The following LARGE1 variants were observed in gnomAD, a reference collection of about 807,000 sequenced individuals.
LARGE1 encodes xylosyl- and glucuronyltransferase LARGE1.
A neutral mutation model predicts 87.6 loss-of-function variants in LARGE1; 43 were observed. The observed-to-expected ratio is 0.49, with a 90% CI of 0.38 to 0.63. The LOEUF (loss-of-function observed/expected upper bound fraction) is 0.63, where lower values mean the gene tolerates loss of function less well. Among genes scored for constraint, LARGE1 ranks in the 30% least tolerant of loss-of-function variants. The pLI is 0.00. For synonymous variants in LARGE1, 434 were observed against 394.6 expected (o/e 1.10, Z -1.18); for missense variants, 802 against 1,000.2 (o/e 0.80, Z 2.67).
At chr22:33,487,864 T>A (rs1046490857) in intron 6 of LARGE1, among the ~76,000 whole-genome samples, 3 of 152,172 alleles carry the variant, frequency 2.0e-5, no homozygotes, top group African/African-American at 7.2e-5. Flanking sequence ...GAGATCATGT[T>A]ATCTCCCTTT....
At chr22:33,669,908 T>C (rs931777132) in intron 2 of LARGE1, among the ~76,000 whole-genome samples, 6 of 152,254 alleles carry the variant, frequency 3.9e-5, no homozygotes, top group African/African-American at 1.2e-4. Context: ...AAGGCTCACA[T>C]TGACCTGCAC....
At chr22:33,103,432 C>CAAAAAAAA in the LARGE1 span, among the ~76,000 whole-genome samples, 1 of 33,808 alleles carries the variant, frequency 3.0e-5, no homozygotes, top group Non-Finnish European at 4.5e-5. Context: ...GACTCTGTCT[C>CAAAAAAAA]AAAAAAAAAA....
At chr22:33,183,852 G>T (rs1923324929) in intron 11 of LARGE1, among the ~76,000 whole-genome samples, 1 of 151,760 alleles carries the variant, frequency 6.6e-6, no homozygotes, top group Non-Finnish European at 1.5e-5. Flanking sequence ...GAGGCTGGGG[G>T]GTAGAAGAAA....
intron 1 of LARGE1, among the ~76,000 whole-genome samples, chr22:33,891,518 G>A (rs2065006583): frequency 1.3e-5 from 2 of 151,656 alleles, no homozygotes; most frequent in Admixed American, 1.3e-4. Context: ...AGAATACGAT[G>A]TTACTGCATG....
At position 33,785,099 on chromosome 22, in the gene LARGE1, GTGTATACATACATATGTGTATATGC is replaced by G. The variant is rs1302128416; in HGVS notation, c.-82-23566_-82-23542del. ...TATACATACATATGTGTATATACAT[GTGTATACATACATATGTGTATATGC>G]ATATATGTGTATACATACATATGTG... On this transcript the variant is annotated intron_variant, in intron 1 of 14. Coordinates refer to ENST00000397394, the MANE Select transcript of LARGE1 (RefSeq NM_133642.5). 7.8e-3 allele frequency among the ~76,000 whole-genome samples: 488 copies of G among 62,946 alleles called. 10 individuals carry two copies. The highest frequency in any genetic ancestry group is 0.036 in the African/African-American group (467 of 13,058). The allele number at this position is 62,946 out of a possible 152,430, so 41.3% of individuals were successfully genotyped here.
chr22:33,283,429 A>T, intron 12 of LARGE1, 81 bp from the exon 13 acceptor site: 6 of 1,506,322 alleles, frequency 4.0e-6, no homozygotes, highest in Non-Finnish European at 5.5e-6. Context: ...CGGGGTGGTC[A>T]TTGGCCCGGG....
chr22:33,677,143 C>A (rs2081606490), intron 2 of LARGE1, among the ~76,000 whole-genome samples: 1 of 151,990 alleles, frequency 6.6e-6, no homozygotes, highest in Non-Finnish European at 1.5e-5. Flanking sequence ...TGTGTTAATG[C>A]TCAGGTTCTT....
chr22:33,254,244 C>T (rs1045100581), intron 11 of LARGE1, among the ~76,000 whole-genome samples: 2 of 152,120 alleles, frequency 1.3e-5, no homozygotes, highest in African/African-American at 2.4e-5. Context: ...GGTGGGCTAA[C>T]TAGAAATGGG....
Position 33,311,106 on chromosome 22 carries a change from G to T in LARGE1, c.1451+4979C>A, listed in dbSNP as rs372177775. Among the ~76,000 whole-genome samples, 14 of 152,136 alleles carry T rather than the reference G, an allele frequency of 9.2e-5. 1 individual carries two copies. In the South Asian group the frequency reaches 2.9e-3, roughly 32 times the overall value. ...CTCCCGTGTAGCTGGGACTACAGGC[G>T]CCCGCCACCATGCCAGGCTAATTTT... On this transcript the variant is annotated intron_variant, in intron 11 of 14. Coordinates refer to ENST00000397394, the MANE Select transcript of LARGE1 (RefSeq NM_133642.5).
intron 1 of LARGE1, among the ~76,000 whole-genome samples, chr22:33,786,805 AG>A (rs1252768067): frequency 3.9e-5 from 6 of 152,180 alleles, no homozygotes; most frequent in African/African-American, 1.4e-4. Flanking sequence ...GCGGATCACC[AG>A]GTCAGGAGTT....
rs141673975 is a variant in LARGE1, at chr22:33,692,385, A to T, written c.107-41717T>A. Among the ~76,000 whole-genome samples the T allele has an allele frequency of 6.2e-3, 949 of 152,300 alleles. 7 individuals carry two copies. The highest frequency in any genetic ancestry group is 0.022 in the African/African-American group (902 of 41,548). On this transcript the variant is annotated intron_variant, in intron 2 of 14. Transcript: ENST00000397394. Reference sequence around the variant, plus strand: ...GAGTGCAACAGCACGATCTTGGCTCACTGCAACCTCCACCTCCCAGGTTCA... The same window carrying T: ...GAGTGCAACAGCACGATCTTGGCTCTCTGCAACCTCCACCTCCCAGGTTCA...
intron 10 of LARGE1, among the ~76,000 whole-genome samples, chr22:33,318,765 TG>T (rs1442838884): frequency 2.6e-5 from 4 of 151,786 alleles, no homozygotes; most frequent in Admixed American, 2.6e-4. Flanking sequence ...AATGATAATT[TG>T]CCAAAGGTCA....
intron 1 of LARGE1, among the ~76,000 whole-genome samples, chr22:33,762,213 CAAAAAAAAAAAA>C (rs56832457): frequency 1.0e-3 from 86 of 84,470 alleles, no homozygotes; most frequent in South Asian, 4.7e-3. Context: ...GATTCTATCT[CAAAAAAAAAAAA>C]AAAAAAAAAA....
Position 33,656,087 on chromosome 22 carries a change from A to G in LARGE1, c.107-5419T>C, listed in dbSNP as rs1010671266. On this transcript the variant is annotated intron_variant, in intron 2 of 14. Coordinates refer to ENST00000397394, the MANE Select transcript of LARGE1 (RefSeq NM_133642.5). ...TGTGTGTGTGTGTGTGTGTGTGTAC[A>G]CACACAAATATTACTTCATATCAGG... Among the ~76,000 whole-genome samples the G allele has an allele frequency of 2.0e-5, 3 of 148,808 alleles. No homozygotes were observed. In the Admixed American group the frequency reaches 2.0e-4, roughly 10 times the overall value.
intron 3 of LARGE1, 45 bp downstream of exon 3, chr22:33,650,322 C>A: frequency 6.2e-7 from 1 of 1,611,020 alleles, no homozygotes; most frequent in Non-Finnish European, 8.5e-7. Flanking sequence ...TGAGGGCAAT[C>A]GGGACTTTGG....
intron 3 of LARGE1, among the ~76,000 whole-genome samples, chr22:33,641,341 C>T (rs2080426314): frequency 6.6e-6 from 1 of 152,166 alleles, no homozygotes; most frequent in Non-Finnish European, 1.5e-5. Flanking sequence ...AAAGCAATAA[C>T]ATCAACATCA....
chr22:33,350,103 CTT>C (rs1940220104), intron 9 of LARGE1, among the ~76,000 whole-genome samples: 1 of 152,164 alleles, frequency 6.6e-6, no homozygotes, highest in Non-Finnish European at 1.5e-5. Flanking sequence ...AAAATGAAGA[CTT>C]TTCACAATAC....
intron 9 of LARGE1, among the ~76,000 whole-genome samples, chr22:33,364,803 C>T (rs1374931376): frequency 6.6e-6 from 1 of 152,064 alleles, no homozygotes; most frequent in Non-Finnish European, 1.5e-5. Flanking sequence ...TTCATGCAAA[C>T]GTCCCACCGC....
At chr22:33,771,959 T>C (rs780774775) in intron 1 of LARGE1, among the ~76,000 whole-genome samples, 1 of 152,232 alleles carries the variant, frequency 6.6e-6, no homozygotes, top group African/African-American at 2.4e-5. Context: ...CCATTTCTCC[T>C]GCCACTATAC....
Sources: allele counts gnomAD v4.1 joint callset (sites outside exome capture counted in the v4.1 genomes callset), GRCh38; gene constraint gnomAD v4.1.1; transcripts MANE v1.5; gene names NCBI Gene and HGNC (gene_info 2026-07-23, HGNC 2026-07-21).